The following AMMECR1 variants were observed in gnomAD, a reference collection of about 807,000 sequenced individuals.
AMMECR1 encodes the protein AMMECR nuclear protein 1, also known as nuclear protein AMMECR1.
A neutral mutation model predicts 22.5 loss-of-function variants in AMMECR1; 3 were observed. The ratio of observed to expected loss-of-function variants is 0.13; its 90% CI spans 0.06 to 0.35. The LOEUF (loss-of-function observed/expected upper bound fraction) is 0.35, where lower values mean the gene tolerates loss of function less well. AMMECR1 is among the 10% of genes least tolerant of loss of function. AMMECR1 has a pLI of 1.00. For missense variants in AMMECR1, 235 were observed against 278.7 expected (o/e 0.84, Z 1.12); for synonymous variants, 130 against 116.7 (o/e 1.11, Z -0.74).
intron 3 of AMMECR1, among the ~76,000 whole-genome samples, chrX:110,203,708 T>C (rs2067408066): frequency 9.0e-6 from 1 of 110,713 alleles, no homozygotes; most frequent in South Asian, 3.8e-4. Flanking sequence ...TGTGTATGGA[T>C]GTAAAGGTCT....
At chrX:110,317,241 G>C (rs2068053120) in intron 1 of AMMECR1, among the ~76,000 whole-genome samples, 1 of 111,499 alleles carries the variant, frequency 9.0e-6, no homozygotes. Flanking sequence ...AAAGTGAGGA[G>C]AGGTCAACAC....
chrX:110,217,419 T>C (rs1195580309), intron 2 of AMMECR1, among the ~76,000 whole-genome samples: 2 of 108,558 alleles, frequency 1.8e-5, no homozygotes, highest in African/African-American at 6.7e-5. Context: ...TAATCAAGTG[T>C]AGGATATCAT....
At chrX:110,406,862 T>A (rs1602977220) in intron 2 of AMMECR1, among the ~76,000 whole-genome samples, 1 of 112,165 alleles carries the variant, frequency 8.9e-6, no homozygotes, top group East Asian at 2.8e-4. Context: ...CATGCAATAG[T>A]TTTTGGGTTG....
chrX:110,335,354 G>GA (rs1383185795), intron 2 of AMMECR1, among the ~76,000 whole-genome samples: 2 of 111,005 alleles, frequency 1.8e-5, no homozygotes, highest in African/African-American at 6.6e-5. Context: ...TGCCATCTGG[G>GA]AAAAAAATGC....
In AMMECR1 at chrX:110,217,462, T is replaced by C. The variant is rs373760122; in HGVS notation, c.585-830A>G. On this transcript the variant is annotated intron_variant, in intron 2 of 5. Transcript: ENST00000262844. ...AACTCTAGAAAACCCCACTGTAAAA[T>C]GTGGAAAAACCATAATTCTTCCTGC... Among the ~76,000 whole-genome samples the C allele has an allele frequency of 1.2e-4, 13 of 106,410 alleles. No individual in the cohort carries two copies. In the East Asian group the frequency reaches 1.5e-3, roughly 12 times the overall value. 92.4% of individuals were successfully genotyped at this position (106,410 alleles called of 115,157 possible). A position where few individuals can be genotyped will look rare whatever the true frequency, so the allele number is the denominator to read the frequency against.
At chrX:110,302,167 T>C (rs1016163857) in intron 1 of AMMECR1, among the ~76,000 whole-genome samples, 2 of 111,701 alleles carry the variant, frequency 1.8e-5, no homozygotes, top group Non-Finnish European at 3.8e-5. Flanking sequence ...AGATACCTTC[T>C]TTCAGGTAAA....
intron 2 of AMMECR1, among the ~76,000 whole-genome samples, chrX:110,399,822 A>G (rs996020312): frequency 1.8e-5 from 2 of 112,062 alleles, no homozygotes; most frequent in African/African-American, 3.2e-5. Flanking sequence ...AGGGAGTTCT[A>G]TGGAGTTCGA....
intron 2 of AMMECR1, among the ~76,000 whole-genome samples, chrX:110,238,484 G>A (rs1006090399): frequency 6.2e-5 from 7 of 112,554 alleles, no homozygotes; most frequent in African/African-American, 2.3e-4. Flanking sequence ...TCTGTAGCCA[G>A]ACTGCCTCTC....
chrX:110,372,533 T>C (rs2068346559), intron 2 of AMMECR1, among the ~76,000 whole-genome samples: 1 of 111,795 alleles, frequency 8.9e-6, no homozygotes, highest in South Asian at 3.7e-4. Flanking sequence ...CCTGTCTTTC[T>C]ATATCAGCCA....
At chrX:110,212,050 C>A (rs961887782) in intron 3 of AMMECR1, among the ~76,000 whole-genome samples, 1 of 111,984 alleles carries the variant, frequency 8.9e-6, no homozygotes, top group African/African-American at 3.2e-5. Context: ...ATTTGTCAAA[C>A]ATCCCTCACA....
chrX:110,316,039 T>C (rs780891503), intron 1 of AMMECR1, among the ~76,000 whole-genome samples: 54 of 112,461 alleles, frequency 4.8e-4, no homozygotes, highest in Non-Finnish European at 3.8e-4. Context: ...TTTATAAAGA[T>C]ATTTATTTGA....
At chrX:110,235,871 G>A (rs763584441) in intron 2 of AMMECR1, among the ~76,000 whole-genome samples, 18 of 111,370 alleles carry the variant, frequency 1.6e-4, no homozygotes, top group Non-Finnish European at 2.4e-4. Context: ...CAAATGATGA[G>A]TTGATGGTGC....
At chrX:110,336,768 A>G (rs962197512) in intron 2 of AMMECR1, among the ~76,000 whole-genome samples, 2 of 110,862 alleles carry the variant, frequency 1.8e-5, no homozygotes, top group Admixed American at 9.6e-5. Flanking sequence ...TTAATGTAGG[A>G]AGAGCCATGC....
chrX:110,346,769 A>T, intron 2 of AMMECR1: 2 of 786,742 alleles, frequency 2.5e-6, no homozygotes, highest in Non-Finnish European at 3.9e-6. Context: ...CAGTCAGCAG[A>T]GGGTCATGTT....
intron 2 of AMMECR1, among the ~76,000 whole-genome samples, chrX:110,336,705 A>C (rs902806404): frequency 1.8e-5 from 2 of 110,828 alleles, no homozygotes; most frequent in African/African-American, 3.3e-5. Context: ...TCTCAAAAAA[A>C]AAAAATCTAA....
intron 2 of AMMECR1, among the ~76,000 whole-genome samples, chrX:110,343,428 G>A (rs2068173609): frequency 9.0e-6 from 1 of 111,256 alleles, no homozygotes; most frequent in African/African-American, 3.3e-5. Flanking sequence ...TTTGAAAACT[G>A]GCACAAGACA....
chrX:110,297,429 T>C (rs1453803326), intron 1 of AMMECR1, among the ~76,000 whole-genome samples: 1 of 111,694 alleles, frequency 9.0e-6, no homozygotes, highest in Non-Finnish European at 1.9e-5. Flanking sequence ...GTGACAATTA[T>C]CTGGGGATAA....
intron 5 of AMMECR1, 120 bp downstream of exon 5, chrX:110,200,834 C>T: frequency 2.0e-6 from 1 of 502,586 alleles, no homozygotes; most frequent in South Asian, 3.2e-5. Context: ...CCCTGCCATT[C>T]ATTTCCACTC....
At position 110,370,590 on chromosome X, in the gene AMMECR1, AC is replaced by A. The variant is rs1205784412; in HGVS notation, c.-147-52742del. ...AGTCATCCCTTTTCTAAAGTTAATTACTTAATTTTCTTAACTTTTCCTAATT... is the reference window on the plus strand; with the variant it reads ...AGTCATCCCTTTTCTAAAGTTAATTATTAATTTTCTTAACTTTTCCTAATT... On this transcript the variant is annotated intron_variant, in intron 2 of 7. Coordinates refer to the AMMECR1 transcript ENST00000372057. Among the ~76,000 whole-genome samples, 3 of 112,498 alleles carry A rather than the reference AC, an allele frequency of 2.7e-5. No homozygotes were observed. In the East Asian group the frequency reaches 8.3e-4, roughly 31 times the overall value.
Sources: gnomAD v4.1 joint callset for allele counts (sites outside exome capture counted in the v4.1 genomes callset) on GRCh38, gnomAD v4.1.1 for gene constraint, MANE v1.5 for transcripts, NCBI Gene and HGNC (gene_info 2026-07-23, HGNC 2026-07-21) for gene names.